GRIP1: variants seen among roughly 807,000 people sequenced by gnomAD.
The protein encoded by GRIP1 is glutamate receptor-interacting protein 1.
In GRIP1, 45 loss-of-function variants were observed where a neutral mutation model predicts 129.9. The observed-to-expected ratio is 0.35, with a 90% CI of 0.27 to 0.44. The LOEUF (loss-of-function observed/expected upper bound fraction) is 0.44. GRIP1 is among the 20% of genes least tolerant of loss of function. The pLI is 1.00. For missense variants in GRIP1, 1,196 were observed against 1,396.8 expected, an observed-to-expected ratio of 0.86 and a Z score of 2.29; for synonymous variants, 530 against 520.8, an observed-to-expected ratio of 1.02 and a Z score of -0.24.
chr12:66,575,372 A>C (rs935443361), intron 2 of GRIP1, among the ~76,000 whole-genome samples: 2 of 152,226 alleles, frequency 1.3e-5, no homozygotes, highest in Admixed American at 1.3e-4. Flanking sequence ...AAATATTTTT[A>C]TTGATGATAC....
chr12:66,444,302 A>C (rs991226627), intron 13 of GRIP1, among the ~76,000 whole-genome samples: 1 of 151,334 alleles, frequency 6.6e-6, no homozygotes, highest in South Asian at 2.1e-4. Context: ...CTGGCTAACA[A>C]GGTGAAACCC....
At chr12:66,679,179 A>G (rs2034479829), upstream of GRIP1, 1 of 1,338,392 alleles carries the variant, frequency 7.5e-7, no homozygotes, top group African/African-American at 1.5e-5. Context: ...TTCGATAGCA[A>G]CAAAGCACCA....
intron 1 of GRIP1, among the ~76,000 whole-genome samples, chr12:66,738,454 CT>C (rs2036681222): frequency 6.6e-6 from 1 of 152,098 alleles, no homozygotes; most frequent in African/African-American, 2.4e-5. Context: ...ATCTCCTGAC[CT>C]TGTGATCTGC....
intron 1 of GRIP1, among the ~76,000 whole-genome samples, chr12:66,800,108 T>C (rs1962182823): frequency 1.3e-5 from 2 of 152,186 alleles, no homozygotes; most frequent in South Asian, 4.1e-4. Context: ...TCTATTAGAA[T>C]AGGCAAACAA....
chr12:66,848,132 G>T (rs2039850599), intron 1 of GRIP1, among the ~76,000 whole-genome samples: 1 of 152,162 alleles, frequency 6.6e-6, no homozygotes, highest in African/African-American at 2.4e-5. Context: ...ACAACACAAA[G>T]CCAAGTTGAA....
intron 2 of GRIP1, among the ~76,000 whole-genome samples, chr12:66,584,008 CA>C: frequency 7.0e-6 from 1 of 143,288 alleles, no homozygotes; most frequent in African/African-American, 2.6e-5. Flanking sequence ...GCAACCAACC[CA>C]AATGTCCAAC....
At chr12:66,870,128 G>A (rs1477311102) in intron 1 of GRIP1, among the ~76,000 whole-genome samples, 3 of 152,070 alleles carry the variant, frequency 2.0e-5, no homozygotes, top group Non-Finnish European at 4.4e-5. Flanking sequence ...GATCTGGATT[G>A]AGAACCATCG....
intron 19 of GRIP1, among the ~76,000 whole-genome samples, chr12:66,383,118 G>A (rs1242754234): frequency 3.9e-5 from 6 of 151,966 alleles, no homozygotes; most frequent in South Asian, 2.1e-4. Context: ...CCAACATAGC[G>A]AAAGCCCATC....
chr12:66,958,589 T>G (rs1592392995), intron 1 of GRIP1, among the ~76,000 whole-genome samples: 1 of 152,364 alleles, frequency 6.6e-6, no homozygotes, highest in East Asian at 1.9e-4. Flanking sequence ...CCTAGGTATA[T>G]TCTACATTTT....
chr12:66,925,064 T>A (rs2041274912), intron 1 of GRIP1, among the ~76,000 whole-genome samples: 1 of 152,204 alleles, frequency 6.6e-6, no homozygotes, highest in South Asian at 2.1e-4. Flanking sequence ...AAAGAAATGA[T>A]GAGACTCTGG....
intron 2 of GRIP1, among the ~76,000 whole-genome samples, chr12:66,570,471 C>A (rs1199248254): frequency 2.6e-5 from 4 of 152,128 alleles, no homozygotes; most frequent in African/African-American, 4.8e-5. Context: ...AGTCCTAGGT[C>A]CCATCTTCAG....
intron 1 of GRIP1, among the ~76,000 whole-genome samples, chr12:67,033,085 G>A (rs2043046153): frequency 6.6e-6 from 1 of 151,954 alleles, no homozygotes; most frequent in Admixed American, 6.6e-5. Context: ...GGGTTGGACA[G>A]CTCAGATCCA....
chr12:67,063,727 A>C (rs1592533251), intron 1 of GRIP1, among the ~76,000 whole-genome samples: 1 of 152,242 alleles, frequency 6.6e-6, no homozygotes, highest in African/African-American at 2.4e-5. Context: ...TTTAAAACCC[A>C]TAAGATTCAA....
intron 1 of GRIP1, among the ~76,000 whole-genome samples, chr12:66,918,957 T>G (rs901749633): frequency 2.6e-5 from 4 of 152,124 alleles, no homozygotes; most frequent in African/African-American, 9.7e-5. Flanking sequence ...AAGAAAAAAT[T>G]AATGCACAAG....
At chr12:66,562,956 G>A (rs1296853142) in intron 2 of GRIP1, among the ~76,000 whole-genome samples, 2 of 151,578 alleles carry the variant, frequency 1.3e-5, no homozygotes, top group Admixed American at 1.3e-4. Flanking sequence ...AGTGGAAGAG[G>A]ATCATCATAA....
intron 23 of GRIP1, among the ~76,000 whole-genome samples, chr12:66,369,338 A>T (rs1420450165): frequency 2.0e-4 from 25 of 127,520 alleles, no homozygotes; most frequent in African/African-American, 2.5e-4. Flanking sequence ...TTTTAACAAG[A>T]TCTTTTTTTT....
chr12:66,864,101 G>T (rs142894285), intron 1 of GRIP1, among the ~76,000 whole-genome samples: 2 of 152,040 alleles, frequency 1.3e-5, no homozygotes, highest in Admixed American at 1.3e-4. Flanking sequence ...TCAACCAGGG[G>T]CCCTCTAAGC....
At chr12:66,550,095 C>A (rs187915755) in intron 2 of GRIP1, among the ~76,000 whole-genome samples, 1 of 152,120 alleles carries the variant, frequency 6.6e-6, no homozygotes, top group Non-Finnish European at 1.5e-5. Context: ...TATGGCAATA[C>A]GAGAATTGTT....
chr12:66,609,097 A>G (rs1355218300), intron 1 of GRIP1, among the ~76,000 whole-genome samples: 2 of 152,078 alleles, frequency 1.3e-5, no homozygotes, highest in Admixed American at 6.6e-5. Context: ...TTTCACAGAT[A>G]CTAAAACTGA....
Sources: allele counts gnomAD v4.1 joint callset (sites outside exome capture counted in the v4.1 genomes callset), GRCh38; gene constraint gnomAD v4.1.1; transcripts MANE v1.5; gene names NCBI Gene and HGNC (gene_info 2026-07-23, HGNC 2026-07-21).